Variants in ACVR1 observed in about 807,000 individuals in gnomAD.
ACVR1 encodes activin receptor type-1.
ACVR1 carries 38 observed loss-of-function variants against 57.1 expected under a neutral mutation model. The observed-to-expected ratio is 0.67, with a 90% CI of 0.51 to 0.87. ACVR1 has a LOEUF of 0.87. Ranked by LOEUF, ACVR1 falls within the 40% of genes least tolerant of loss-of-function variation. The probability of loss-of-function intolerance (pLI) is 0.00; values close to 1 mark genes in which losing one functional copy is unlikely to be tolerated. For synonymous variants in ACVR1, 212 were observed against 228.1 expected (o/e 0.93, Z 0.63); for missense variants, 463 against 638.2 (o/e 0.73, Z 2.96).
intron 9 of ACVR1, among the ~76,000 whole-genome samples, chr2:157,739,994 G>A (rs544278243): frequency 6.6e-6 from 1 of 151,996 alleles, no homozygotes; most frequent in Non-Finnish European, 1.5e-5. Flanking sequence ...GACAAGCCTG[G>A]GCAACATGGC....
intron 8 of ACVR1, among the ~76,000 whole-genome samples, chr2:157,765,608 T>C (rs1685833826): frequency 6.6e-6 from 1 of 152,090 alleles, no homozygotes; most frequent in Admixed American, 6.5e-5. Context: ...GTCAATGATA[T>C]ACTAGTGTAC....
intron 1 of ACVR1, among the ~76,000 whole-genome samples, chr2:157,837,129 T>G (rs1688810923): frequency 6.6e-6 from 1 of 152,244 alleles, no homozygotes; most frequent in Non-Finnish European, 1.5e-5. Flanking sequence ...CAAATATCTT[T>G]TCCCTTCCCC....
rs564272283 is a variant in ACVR1 at position 157,753,745 on chromosome 2, C to T, written c.1264+7135G>A. 5.9e-4 allele frequency among the ~76,000 whole-genome samples: 90 copies of T among 152,222 alleles called. No homozygotes were observed. In the Middle Eastern group the frequency reaches 0.01, roughly 17 times the overall value. On this transcript the variant is annotated intron_variant, in intron 9 of 10. Transcript: ENST00000434821. ...AGAAACAATGGATTTAAACTATACC[C>T]TAGAACAAATGGACTTAACAGATAT...
intron 2 of ACVR1, chr2:157,806,930 G>A (rs1238175884): frequency 6.6e-6 from 1 of 152,192 alleles, no homozygotes; most frequent in African/African-American, 2.4e-5. Flanking sequence ...TTTCATGATA[G>A]ATGAATACAA....
intron 6 of ACVR1, among the ~76,000 whole-genome samples, chr2:157,773,744 A>G (rs955735676): frequency 3.3e-5 from 5 of 152,232 alleles, no homozygotes; most frequent in African/African-American, 1.2e-4. Flanking sequence ...AAAGAAGTTC[A>G]TTGTCCAAAA....
chr2:157,760,926 G>A lies in ACVR1; in HGVS notation c.1218C>T (p.Ala406=), dbSNP rs748503002. The change falls in exon 9 of 11, where the codon GCC becomes GCT. Residue 406 remains alanine, a synonymous_variant. Transcript: ENST00000434821. ...CCACTTCCCACAAAACAAGTCCAAA[G>A]GCCCAAATATCGACCCTTTTATAAG... is the stretch of plus-strand genomic sequence containing the variant. ...FDSYKRVDIW[A]FGLVLWEVAR... 5.6e-6 allele frequency: 9 copies of A among 1,613,960 alleles called. No individual in the cohort carries two copies. Among genetic ancestry groups the A allele is most frequent in the Admixed American group, 1.7e-5 (1 of 59,990 alleles).
chr2:157,759,351 T>G lies in ACVR1; in HGVS notation c.1264+1529A>C, dbSNP rs539060027. Reference sequence around the variant, plus strand: ...GAATACAAAAATCATCAGAGATTATTACAAACAAATTGGAAAACCTAGAGG... The same window carrying G: ...GAATACAAAAATCATCAGAGATTATGACAAACAAATTGGAAAACCTAGAGG... On this transcript the variant is annotated intron_variant, in intron 9 of 10. Transcript: ENST00000434821. Among the ~76,000 whole-genome samples, 5 of 151,952 alleles carry G rather than the reference T, an allele frequency of 3.3e-5. No individual in the cohort carries two copies. In the South Asian group the frequency reaches 1.0e-3, roughly 31 times the overall value.
At chr2:157,821,052 G>C (rs1688145494) in intron 1 of ACVR1, among the ~76,000 whole-genome samples, 1 of 152,158 alleles carries the variant, frequency 6.6e-6, no homozygotes, top group South Asian at 2.1e-4. Context: ...GAAATAACGT[G>C]AACTGGATAC....
At chr2:157,855,306 G>T in intron 1 of ACVR1, among the ~76,000 whole-genome samples, 1 of 53,160 alleles carries the variant, frequency 1.9e-5, no homozygotes, top group Admixed American at 2.1e-4. Context: ...GTGTGTGTGT[G>T]TGTATATATA....
At position 157,803,357 on chromosome 2, in the gene ACVR1, T is replaced by C. The variant is rs554136159; in HGVS notation, c.-7-3857A>G. 6.6e-5 allele frequency among the ~76,000 whole-genome samples: 10 copies of C among 152,264 alleles called. No homozygotes were observed. The East Asian group carries it at 1.7e-3, about 26-fold the overall frequency. ...ACAGCTCAAAATCTGCCAAAAATCTTTGGGAAAAAAGTCAACTTACTGGTT... is the reference window on the plus strand; with the variant it reads ...ACAGCTCAAAATCTGCCAAAAATCTCTGGGAAAAAAGTCAACTTACTGGTT... On this transcript the variant is annotated intron_variant, in intron 2 of 10. Transcript: ENST00000434821.
chr2:157,764,055 C>T (rs1685763533), intron 8 of ACVR1, among the ~76,000 whole-genome samples: 1 of 152,204 alleles, frequency 6.6e-6, no homozygotes, highest in Non-Finnish European at 1.5e-5. Flanking sequence ...CCCCAGACCA[C>T]TGGATTATAA....
In ACVR1 at chr2:157,780,367, T is replaced by C. The variant is rs780585007; in HGVS notation, c.301A>G (p.Arg101Gly). Residue 101 changes from arginine (R) to glycine (G), a missense_variant, in exon 4 of 11, where the codon AGG (arginine) becomes GGG (glycine). Physicochemically the swap from Arg to Gly is moderately radical, Grantham distance 125. Coordinates refer to ENST00000434821, the MANE Select transcript of ACVR1 (RefSeq NM_001111067.4). The stretch of plus-strand genomic sequence containing the variant: ...GTGGGCAGCTGGGCCGTGATGTTCC[T>C]GTTACACCAGTCCCCTTGGCAGCAC... ...VECCQGDWCN[R>G]NITAQLPTKG... 13 of 1,614,096 alleles carry C rather than the reference T, an allele frequency of 8.1e-6. No individual in the cohort carries two copies. Among genetic ancestry groups the C allele is most frequent in the Middle Eastern group, 1.6e-4 (1 of 6,084 alleles).
chr2:157,808,393 A>G (rs1687634799), intron 2 of ACVR1, among the ~76,000 whole-genome samples: 1 of 152,156 alleles, frequency 6.6e-6, no homozygotes, highest in South Asian at 2.1e-4. Context: ...TAGCAAGGAA[A>G]TGGGGGGCAG....
intron 1 of ACVR1, among the ~76,000 whole-genome samples, chr2:157,831,735 C>T (rs1688585253): frequency 6.6e-6 from 1 of 152,144 alleles, no homozygotes; most frequent in African/African-American, 2.4e-5. Context: ...ACTCAGTTCA[C>T]AGGATGATCA....
intron 2 of ACVR1, among the ~76,000 whole-genome samples, chr2:157,800,023 A>G (rs1368782134): frequency 6.6e-6 from 1 of 152,228 alleles, no homozygotes; most frequent in East Asian, 1.9e-4. Context: ...CAGCAAAAAC[A>G]AAGAACAAAA....
At chr2:157,759,211 G>A (rs1352870246) in intron 9 of ACVR1, among the ~76,000 whole-genome samples, 1 of 151,832 alleles carries the variant, frequency 6.6e-6, no homozygotes, top group East Asian at 1.9e-4. Context: ...TTAGTTTGTT[G>A]GAAAGGTAAA....
At chr2:157,874,471 T>G (rs1003077850) in intron 1 of ACVR1, among the ~76,000 whole-genome samples, 1 of 152,056 alleles carries the variant, frequency 6.6e-6, no homozygotes, top group Admixed American at 6.5e-5. Context: ...GTCTAGTGTC[T>G]GCTGGCTGCC....
At chr2:157,813,388 T>C (rs1687821166) in intron 2 of ACVR1, among the ~76,000 whole-genome samples, 2 of 152,230 alleles carry the variant, frequency 1.3e-5, no homozygotes. Flanking sequence ...TGGCAGAGAC[T>C]GCTAATTTTC....
At chr2:157,867,874 C>T (rs904493955) in intron 1 of ACVR1, among the ~76,000 whole-genome samples, 1 of 152,052 alleles carries the variant, frequency 6.6e-6, no homozygotes, top group African/African-American at 2.4e-5. Context: ...GTTTCTCCTT[C>T]TATAAAATGG....
Sources: allele counts gnomAD v4.1 joint callset (sites outside exome capture counted in the v4.1 genomes callset), GRCh38; gene constraint gnomAD v4.1.1; transcripts MANE v1.5; gene names NCBI Gene and HGNC (gene_info 2026-07-23, HGNC 2026-07-21).